AKT3: variants seen among roughly 807,000 people sequenced by gnomAD.
AKT3 encodes AKT serine/threonine kinase 3, also known as RAC-gamma serine/threonine-protein kinase.
A neutral mutation model predicts 65.3 loss-of-function variants in AKT3; 15 were observed. The observed-to-expected ratio is 0.23, with a 90% CI of 0.15 to 0.35. The LOEUF is 0.35. Ranked by LOEUF, AKT3 falls within the 10% of genes least tolerant of loss-of-function variation. AKT3 has a pLI of 1.00. For missense variants in AKT3, 243 were observed against 576.5 expected (o/e 0.42, Z 5.92); for synonymous variants, 206 against 183.8 (o/e 1.12, Z -0.98).
intron 10 of AKT3, among the ~76,000 whole-genome samples, chr1:243,558,116 A>G (rs1319368916): frequency 6.6e-6 from 1 of 152,070 alleles, no homozygotes; most frequent in Non-Finnish European, 1.5e-5. Flanking sequence ...ACAAAATGAC[A>G]TATTTTACAT....
At chr1:243,697,358 A>C (rs970527434) in intron 2 of AKT3, among the ~76,000 whole-genome samples, 1 of 151,884 alleles carries the variant, frequency 6.6e-6, no homozygotes, top group Non-Finnish European at 1.5e-5. Context: ...TTTTGGTTTA[A>C]ATTTAGGGGG....
rs564738932 is a variant in AKT3, at chr1:243,563,632, T to C, written c.948+88A>G. The stretch of plus-strand genomic sequence containing the variant: ...TTGAAATATAGATAAAAGTAGTAGA[T>C]ACTACAGTTAACTTTTAATGCTTAA... On this transcript the variant is annotated intron_variant, in intron 10 of 13. Coordinates refer to ENST00000673466, the MANE Select transcript of AKT3 (RefSeq NM_005465.7). 64 of 1,472,506 alleles carry C rather than the reference T, an allele frequency of 4.3e-5. No homozygotes were observed. In the African/African-American group the frequency reaches 8.2e-4, roughly 19 times the overall value. 91.2% of individuals were successfully genotyped at this position (1,472,506 alleles called of 1,614,324 possible).
At chr1:243,809,667 G>A (rs530512862) in intron 2 of AKT3, among the ~76,000 whole-genome samples, 7 of 152,006 alleles carry the variant, frequency 4.6e-5, no homozygotes, top group Non-Finnish European at 5.9e-5. Flanking sequence ...TAAACTCAGC[G>A]CTGCACCAAG....
chr1:243,632,769 T>C (rs914084733), intron 6 of AKT3, among the ~76,000 whole-genome samples: 1 of 152,224 alleles, frequency 6.6e-6, no homozygotes, highest in Non-Finnish European at 1.5e-5. Flanking sequence ...GTGTCAGCAC[T>C]TGTGGTTTCA....
intron 6 of AKT3, among the ~76,000 whole-genome samples, chr1:243,618,808 C>G (rs182882387): frequency 6.6e-6 from 1 of 152,016 alleles, no homozygotes; most frequent in South Asian, 2.1e-4. Flanking sequence ...ATCTAAAGTT[C>G]TCCTTTCATT....
chr1:243,553,964 A>C (rs368736770), intron 10 of AKT3, among the ~76,000 whole-genome samples: 2 of 152,334 alleles, frequency 1.3e-5, no homozygotes, highest in East Asian at 3.9e-4. Flanking sequence ...TGAATTTATC[A>C]ATTTAAAAAC....
chr1:243,666,762 C>A (rs1316751013), intron 3 of AKT3, among the ~76,000 whole-genome samples: 1 of 152,174 alleles, frequency 6.6e-6, no homozygotes, highest in Non-Finnish European at 1.5e-5. Context: ...ATTAGCCTAA[C>A]CTACTTGAAA....
chr1:243,671,751 C>A (rs973115151), intron 3 of AKT3, among the ~76,000 whole-genome samples: 2 of 152,110 alleles, frequency 1.3e-5, no homozygotes, highest in African/African-American at 4.8e-5. Context: ...AAGGAAAAAC[C>A]TAAAAGGTGT....
At chr1:243,736,751 G>A (rs1050086531) in intron 2 of AKT3, among the ~76,000 whole-genome samples, 16 of 152,080 alleles carry the variant, frequency 1.1e-4, no homozygotes, top group Non-Finnish European at 2.1e-4. Context: ...CAAAACAGAC[G>A]TACTAAGACT....
chr1:243,505,446 T>G, intron 13 of AKT3, 112 bp from the exon 14 acceptor site: 1 of 804,452 alleles, frequency 1.2e-6, no homozygotes, highest in East Asian at 2.6e-5. Context: ...AGGCAATAGC[T>G]CCCATAAACT....
chr1:243,590,224 G>C (rs182858897), intron 8 of AKT3, among the ~76,000 whole-genome samples: 6 of 152,312 alleles, frequency 3.9e-5, no homozygotes, highest in Admixed American at 3.3e-4. Flanking sequence ...TTTGCTAAGA[G>C]AGTAGGTCTT....
At chr1:243,640,339 C>T (rs1172526311) in intron 5 of AKT3, among the ~76,000 whole-genome samples, 1 of 152,194 alleles carries the variant, frequency 6.6e-6, no homozygotes, top group East Asian at 1.9e-4. Context: ...ATGGCTGCCA[C>T]AAATTCCCAT....
chr1:243,662,787 T>C (rs1682469139), intron 4 of AKT3, among the ~76,000 whole-genome samples: 1 of 152,116 alleles, frequency 6.6e-6, no homozygotes, highest in African/African-American at 2.4e-5. Flanking sequence ...TCTAGAGGTA[T>C]ATAGAAATGC....
rs549108309 is a variant in AKT3 at position 243,809,176 on chromosome 1, C to T, written c.46+33949G>A. 3.5e-3 allele frequency among the ~76,000 whole-genome samples: 540 copies of T among 152,172 alleles called. 1 individual carries two copies. The highest frequency in any genetic ancestry group is 6.8e-3 in the Middle Eastern group (2 of 294). On this transcript the variant is annotated intron_variant, in intron 2 of 13. Transcript: ENST00000673466. ...ATAATGACAGGATCAAATTCACACA[C>T]AACAATATTAACCTTAAATGTAAAT...
chr1:243,583,036 G>C (rs145638618), intron 8 of AKT3, among the ~76,000 whole-genome samples: 2 of 150,034 alleles, frequency 1.3e-5, no homozygotes, highest in African/African-American at 4.9e-5. Flanking sequence ...ATTACATAAT[G>C]ATAAAGGGCT....
chr1:243,663,515 C>G (rs993586420), intron 4 of AKT3, among the ~76,000 whole-genome samples: 1 of 151,758 alleles, frequency 6.6e-6, no homozygotes, highest in Non-Finnish European at 1.5e-5. Context: ...GGACCCATAC[C>G]CAGAACTGTA....
intron 2 of AKT3, among the ~76,000 whole-genome samples, chr1:243,735,404 A>G (rs1448735496): frequency 6.6e-6 from 1 of 152,228 alleles, no homozygotes; most frequent in East Asian, 1.9e-4. Context: ...GCAGTCCATC[A>G]TTGACTGAAA....
At chr1:243,685,386 T>C (rs562820503) in intron 3 of AKT3, among the ~76,000 whole-genome samples, 1 of 152,330 alleles carries the variant, frequency 6.6e-6, no homozygotes, top group South Asian at 2.1e-4. Context: ...AGTTTCAGTT[T>C]TCTGCATATG....
intron 2 of AKT3, among the ~76,000 whole-genome samples, chr1:243,760,095 T>C (rs894129240): frequency 1.2e-4 from 19 of 152,220 alleles, no homozygotes; most frequent in Middle Eastern, 6.8e-3. Flanking sequence ...CAGCAGATAT[T>C]AAATGAAGAT....
Sources: gnomAD v4.1 joint callset for allele counts (sites outside exome capture counted in the v4.1 genomes callset) on GRCh38, gnomAD v4.1.1 for gene constraint, MANE v1.5 for transcripts, NCBI Gene and HGNC (gene_info 2026-07-23, HGNC 2026-07-21) for gene names.